Variants in DCC observed in about 807,000 individuals in gnomAD.
DCC encodes the protein netrin receptor DCC.
A neutral mutation model predicts 172.5 loss-of-function variants in DCC; 58 were observed. The ratio of observed to expected loss-of-function variants is 0.34; its 90% confidence interval spans 0.27 to 0.42. The LOEUF (loss-of-function observed/expected upper bound fraction) is 0.42, where lower values mean the gene tolerates loss of function less well. Among genes scored for constraint, DCC ranks in the 10% least tolerant of loss-of-function variants. The probability of loss-of-function intolerance (pLI) is 1.00; values close to 1 mark genes in which losing one functional copy is unlikely to be tolerated. For missense variants in DCC, 1,740 were observed against 1,791.0 expected, an observed-to-expected ratio of 0.97 and a Z score of 0.51; for synonymous variants, 709 against 644.5, an observed-to-expected ratio of 1.10 and a Z score of -1.52.
chr18:53,222,383 C>CTTTTTTT (rs67373546), intron 12 of DCC, among the ~76,000 whole-genome samples: 75 of 104,156 alleles, frequency 7.2e-4, no homozygotes, highest in Non-Finnish European at 8.8e-4. Context: ...TTTCTTTTTT[C>CTTTTTTT]TTTTTTTTTT....
At chr18:53,235,119 G>C (rs2056182394) in intron 12 of DCC, among the ~76,000 whole-genome samples, 1 of 152,090 alleles carries the variant, frequency 6.6e-6, no homozygotes, top group Non-Finnish European at 1.5e-5. Context: ...CATGACACAG[G>C]GTTCATTGTG....
intron 2 of DCC, among the ~76,000 whole-genome samples, chr18:52,833,530 A>C (rs2038653184): frequency 6.6e-6 from 1 of 152,144 alleles, no homozygotes; most frequent in South Asian, 2.1e-4. Flanking sequence ...TGTAGGCTGA[A>C]TCCCATCCCA....
intron 1 of DCC, among the ~76,000 whole-genome samples, chr18:52,641,924 A>T (rs1319949289): frequency 6.6e-6 from 1 of 151,664 alleles, no homozygotes; most frequent in Non-Finnish European, 1.5e-5. Context: ...ATGCATGTTT[A>T]TAGCAGCATA....
At chr18:52,417,123 C>T (rs534335634) in intron 1 of DCC, among the ~76,000 whole-genome samples, 1 of 152,124 alleles carries the variant, frequency 6.6e-6, no homozygotes, top group Non-Finnish European at 1.5e-5. Context: ...ATTTCTCCTT[C>T]ACTTATGAAG....
chr18:52,885,047 G>A (rs1426025679), intron 2 of DCC, among the ~76,000 whole-genome samples: 1 of 152,104 alleles, frequency 6.6e-6, no homozygotes, highest in Non-Finnish European at 1.5e-5. Context: ...TGGAACTGGG[G>A]TTGGGGGCAC....
chr18:53,034,754 T>C (rs1221646750), intron 5 of DCC, among the ~76,000 whole-genome samples: 1 of 151,936 alleles, frequency 6.6e-6, no homozygotes, highest in Non-Finnish European at 1.5e-5. Context: ...GCTCTGGAAA[T>C]AGTCCATAAG....
intron 2 of DCC, among the ~76,000 whole-genome samples, chr18:52,763,031 C>T (rs1455023964): frequency 6.6e-6 from 1 of 152,176 alleles, no homozygotes; most frequent in Non-Finnish European, 1.5e-5. Flanking sequence ...CCTAGATAAG[C>T]TTCTGTATCT....
chr18:52,531,612 C>T (rs1180159575), intron 1 of DCC, among the ~76,000 whole-genome samples: 1 of 152,046 alleles, frequency 6.6e-6, no homozygotes, highest in African/African-American at 2.4e-5. Context: ...TGTGTCTGAT[C>T]TATAGCCTGT....
At chr18:53,090,492 G>A (rs1263844118) in intron 7 of DCC, among the ~76,000 whole-genome samples, 2 of 151,340 alleles carry the variant, frequency 1.3e-5, no homozygotes, top group African/African-American at 4.9e-5. Context: ...AGGAGATTGA[G>A]ACCATCCTGG....
At chr18:53,439,231 C>G (rs1288622115) in intron 22 of DCC, among the ~76,000 whole-genome samples, 1 of 151,140 alleles carries the variant, frequency 6.6e-6, no homozygotes, top group Non-Finnish European at 1.5e-5. Context: ...GCAAAGGCAT[C>G]TGAAAACCTC....
intron 1 of DCC, among the ~76,000 whole-genome samples, chr18:52,481,079 T>C (rs766074153): frequency 6.6e-6 from 1 of 152,188 alleles, no homozygotes; most frequent in African/African-American, 2.4e-5. Flanking sequence ...ATGGAGATAA[T>C]TTTTGTGTGT....
chr18:52,702,579 C>T (rs781668091), intron 1 of DCC, among the ~76,000 whole-genome samples: 2 of 152,154 alleles, frequency 1.3e-5, no homozygotes, highest in Non-Finnish European at 2.9e-5. Flanking sequence ...TTGACCTTAT[C>T]GCTCCAAGAA....
intron 7 of DCC, among the ~76,000 whole-genome samples, chr18:53,080,436 A>G (rs2042783773): frequency 6.6e-6 from 1 of 152,170 alleles, no homozygotes; most frequent in Non-Finnish European, 1.5e-5. Context: ...GAAGCCTAAA[A>G]GGCAAATACT....
intron 11 of DCC, among the ~76,000 whole-genome samples, chr18:53,212,983 T>G (rs974502765): frequency 6.6e-6 from 1 of 152,070 alleles, no homozygotes; most frequent in Non-Finnish European, 1.5e-5. Context: ...GCCTTTCAAT[T>G]CTTAATACAG....
chr18:52,477,168 C>A lies in DCC; in HGVS notation c.91+136290C>A, dbSNP rs573910056. On this transcript the variant is annotated intron_variant, in intron 1 of 28. Coordinates refer to ENST00000442544, the MANE Select transcript of DCC (RefSeq NM_005215.4). ...TTATGTAGAGACATGGTGGTGATGG[C>A]TTGATTTATGTATCATCAATCTCCA... is the stretch of plus-strand genomic sequence containing the variant. 9.9e-5 allele frequency among the ~76,000 whole-genome samples: 15 copies of A among 152,222 alleles called. No homozygotes were observed. The South Asian group carries it at 2.7e-3, about 27-fold the overall frequency.
intron 1 of DCC, among the ~76,000 whole-genome samples, chr18:52,750,890 CT>C (rs1424262660): frequency 6.6e-6 from 1 of 151,658 alleles, no homozygotes; most frequent in Non-Finnish European, 1.5e-5. Flanking sequence ...GTCAAGGTTG[CT>C]ATCGTGGAAA....
intron 2 of DCC, among the ~76,000 whole-genome samples, chr18:52,775,556 C>A (rs2037415077): frequency 1.3e-5 from 2 of 152,184 alleles, no homozygotes; most frequent in South Asian, 2.1e-4. Context: ...ATGGTTTTCC[C>A]CCAGAGTTGG....
intron 14 of DCC, among the ~76,000 whole-genome samples, chr18:53,324,012 T>G (rs1314473711): frequency 6.6e-6 from 1 of 152,202 alleles, no homozygotes; most frequent in African/African-American, 2.4e-5. Context: ...TAACTTACTT[T>G]GTTTTAAGCA....
intron 5 of DCC, among the ~76,000 whole-genome samples, chr18:53,012,058 A>T (rs1300597487): frequency 2.0e-5 from 3 of 151,936 alleles, no homozygotes; most frequent in Non-Finnish European, 4.4e-5. Context: ...GTTGGCAAGG[A>T]TATGGAAGAG....
Sources: gnomAD v4.1 joint callset for allele counts (sites outside exome capture counted in the v4.1 genomes callset) on GRCh38, gnomAD v4.1.1 for gene constraint, MANE v1.5 for transcripts, NCBI Gene and HGNC (gene_info 2026-07-23, HGNC 2026-07-21) for gene names.